Variants in GPC6 observed in about 807,000 individuals in gnomAD.
GPC6 encodes the protein glypican 6.
A neutral mutation model predicts 55.2 loss-of-function variants in GPC6; 14 were observed. That is an observed-to-expected ratio of 0.25 (90% CI 0.17 to 0.40). GPC6 has a LOEUF of 0.40. GPC6 is among the 10% of genes least tolerant of loss of function. The probability of loss-of-function intolerance (pLI) is 1.00; values close to 1 mark genes in which losing one functional copy is unlikely to be tolerated. For missense variants in GPC6, 641 were observed against 708.5 expected (o/e 0.90, Z 1.08); for synonymous variants, 278 against 259.6 (o/e 1.07, Z -0.68).
chr13:94,133,268 A>C (rs113732634), intron 4 of GPC6, among the ~76,000 whole-genome samples: 8 of 17,456 alleles, frequency 4.6e-4, no homozygotes, highest in Admixed American at 1.3e-3. Context: ...GACCAGTGAC[A>C]AAAAAAAAAA....
intron 8 of GPC6, among the ~76,000 whole-genome samples, chr13:94,402,521 G>A (rs550570352): frequency 1.3e-5 from 2 of 152,246 alleles, no homozygotes; most frequent in African/African-American, 4.8e-5. Context: ...TAGGGTGGGG[G>A]ACCATGGATG....
At chr13:93,946,863 A>C (rs1879033440) in intron 3 of GPC6, among the ~76,000 whole-genome samples, 1 of 152,116 alleles carries the variant, frequency 6.6e-6, no homozygotes, top group South Asian at 2.1e-4. Flanking sequence ...TAAAACTCTC[A>C]TCTAGCACTT....
At chr13:93,540,526 A>G (rs1268246289) in intron 1 of GPC6, among the ~76,000 whole-genome samples, 6 of 152,078 alleles carry the variant, frequency 3.9e-5, no homozygotes, top group African/African-American at 1.4e-4. Flanking sequence ...AATAAGATAT[A>G]GCTTTATTTT....
intron 3 of GPC6, among the ~76,000 whole-genome samples, chr13:93,912,197 G>A (rs917330755): frequency 2.0e-5 from 3 of 152,144 alleles, no homozygotes; most frequent in Non-Finnish European, 4.4e-5. Flanking sequence ...CATATCAGAA[G>A]CACTTTTCCT....
chr13:94,103,486 A>T (rs984514881), intron 4 of GPC6, among the ~76,000 whole-genome samples: 2 of 152,334 alleles, frequency 1.3e-5, no homozygotes, highest in Admixed American at 6.5e-5. Flanking sequence ...TAGTTGAACT[A>T]GTTTACACTC....
intron 3 of GPC6, among the ~76,000 whole-genome samples, chr13:93,907,509 C>T (rs907003849): frequency 7.2e-5 from 11 of 151,768 alleles, no homozygotes; most frequent in African/African-American, 9.7e-5. Flanking sequence ...GTTTTGTGAC[C>T]GATTGTTTTT....
chr13:93,544,053 T>G (rs1882440812), intron 1 of GPC6, among the ~76,000 whole-genome samples: 1 of 151,994 alleles, frequency 6.6e-6, no homozygotes, highest in South Asian at 2.1e-4. Flanking sequence ...ATTTCCCGGA[T>G]GATTAGTCAC....
rs1052309337 is a variant in GPC6, at chr13:94,405,062, ATTAG to A, written c.*1849_*1852del. On this transcript the variant is annotated 3_prime_UTR_variant, in exon 9 of 9. Transcript: ENST00000377047. The stretch of plus-strand genomic sequence containing the variant: ...TCAATCTGTTCTCATCAAAATTAAA[ATTAG>A]TTATTGATTTAGTCATCACATTTAA... 3 of 152,250 alleles carry A rather than the reference ATTAG, an allele frequency of 2.0e-5. No homozygotes were observed. Among genetic ancestry groups the A allele is most frequent in the Non-Finnish European group, 4.4e-5 (3 of 68,034 alleles). 9.4% of individuals were successfully genotyped at this position (152,250 alleles called of 1,614,324 possible).
chr13:94,360,545 A>G (rs1451023047), intron 6 of GPC6, among the ~76,000 whole-genome samples: 4 of 152,134 alleles, frequency 2.6e-5, no homozygotes, highest in Non-Finnish European at 4.4e-5. Flanking sequence ...GGTTTAGAAA[A>G]TTAGGAAAGG....
intron 3 of GPC6, among the ~76,000 whole-genome samples, chr13:93,910,856 C>T (rs1209666964): frequency 2.0e-5 from 3 of 152,172 alleles, no homozygotes; most frequent in East Asian, 3.8e-4. Flanking sequence ...CTCAGTTTCA[C>T]AGACAGTATG....
chr13:94,057,983 C>T (rs1389676108), intron 4 of GPC6, among the ~76,000 whole-genome samples: 2 of 152,078 alleles, frequency 1.3e-5, no homozygotes, highest in Non-Finnish European at 2.9e-5. Context: ...TGGTCATTAC[C>T]CCAAAACCCT....
chr13:93,864,416 T>C (rs560885395), intron 3 of GPC6, among the ~76,000 whole-genome samples: 1 of 151,744 alleles, frequency 6.6e-6, no homozygotes, highest in African/African-American at 2.4e-5. Context: ...CATTTAAACC[T>C]GACTTCCACC....
At chr13:93,631,045 G>C (rs1879407087) in intron 2 of GPC6, among the ~76,000 whole-genome samples, 1 of 152,184 alleles carries the variant, frequency 6.6e-6, no homozygotes, top group South Asian at 2.1e-4. Context: ...ACACGGAGAG[G>C]TGGCTGTGTT....
chr13:93,415,304 C>A (rs1443250899), intron 1 of GPC6, among the ~76,000 whole-genome samples: 2 of 152,012 alleles, frequency 1.3e-5, no homozygotes, highest in Non-Finnish European at 2.9e-5. Flanking sequence ...TATATAACAA[C>A]CATATCAACG....
chr13:93,268,388 C>G (rs1351266619), intron 1 of GPC6, among the ~76,000 whole-genome samples: 2 of 152,180 alleles, frequency 1.3e-5, no homozygotes, highest in Non-Finnish European at 2.9e-5. Flanking sequence ...CTTGAATAAT[C>G]TCCATTTAGA....
chr13:93,911,981 G>A (rs1285875952), intron 3 of GPC6, among the ~76,000 whole-genome samples: 1 of 152,160 alleles, frequency 6.6e-6, no homozygotes, highest in Non-Finnish European at 1.5e-5. Context: ...AGTGATGGGA[G>A]ATACTGCAGG....
intron 2 of GPC6, among the ~76,000 whole-genome samples, chr13:93,620,152 G>A (rs1182690330): frequency 2.0e-5 from 3 of 152,086 alleles, no homozygotes; most frequent in African/African-American, 4.8e-5. Flanking sequence ...TTCACAAATC[G>A]TTTAGTAAGA....
At chr13:93,752,453 A>T (rs1270142167) in intron 2 of GPC6, among the ~76,000 whole-genome samples, 6 of 152,028 alleles carry the variant, frequency 3.9e-5, no homozygotes, top group African/African-American at 7.3e-5. Flanking sequence ...AAAAAAAAAA[A>T]AGAAAAAAAA....
chr13:94,166,775 G>C (rs79436426), intron 4 of GPC6, among the ~76,000 whole-genome samples: 2,674 of 152,116 alleles, frequency 0.018, 86 homozygotes, highest in African/African-American at 0.061. Context: ...ACATCCAAAG[G>C]ACTCATAATA....
Sources: allele counts gnomAD v4.1 joint callset (sites outside exome capture counted in the v4.1 genomes callset), GRCh38; gene constraint gnomAD v4.1.1; transcripts MANE v1.5; gene names NCBI Gene and HGNC (gene_info 2026-07-23, HGNC 2026-07-21).